The following HIBADH variants were observed in gnomAD, a reference collection of about 807,000 sequenced individuals.
The protein encoded by HIBADH is 3-hydroxyisobutyrate dehydrogenase.
Under a neutral mutation model 36.1 loss-of-function variants are expected in HIBADH, and 25 were observed. The ratio of observed to expected loss-of-function variants is 0.69; its 90% CI spans 0.50 to 0.97. The LOEUF is 0.97. HIBADH is among the 50% of genes least tolerant of loss of function. The pLI, the probability that HIBADH is intolerant of heterozygous loss-of-function variation, is 0.00. For synonymous variants in HIBADH, 160 were observed against 149.5 expected (o/e 1.07, Z -0.51); for missense variants, 421 against 418.0 (o/e 1.01, Z -0.06).
In HIBADH at chr7:27,555,255, C is replaced by T. The variant is rs766366653; in HGVS notation, c.485-12155G>A. On this transcript the variant is annotated intron_variant, in intron 4 of 7. Coordinates refer to ENST00000265395, the MANE Select transcript of HIBADH (RefSeq NM_152740.4). Reference sequence around the variant, plus strand: ...ATTTAAGTGGGGAGAACTGTTCTTCCGGTTTCATGAGAACCAATCACAGCA... The same window carrying T: ...ATTTAAGTGGGGAGAACTGTTCTTCTGGTTTCATGAGAACCAATCACAGCA... Among the ~76,000 whole-genome samples, 12 of 150,478 alleles carry T rather than the reference C, an allele frequency of 8.0e-5. No homozygotes were observed. The South Asian group carries it at 1.1e-3, about 13-fold the overall frequency.
chr7:27,542,451 T>G (rs1042893838), intron 5 of HIBADH, among the ~76,000 whole-genome samples: 11 of 141,864 alleles, frequency 7.8e-5, no homozygotes, highest in South Asian at 2.4e-4. Context: ...TTTTTTTTTT[T>G]TTTTTTTTTT....
At chr7:27,632,911 A>T (rs1428260381) in intron 2 of HIBADH, among the ~76,000 whole-genome samples, 1 of 152,042 alleles carries the variant, frequency 6.6e-6, no homozygotes, top group African/African-American at 2.4e-5. Context: ...AGTCCCCACC[A>T]TCCTCCAGTC....
At chr7:27,587,408 G>A (rs774634440) in intron 4 of HIBADH, among the ~76,000 whole-genome samples, 14 of 152,030 alleles carry the variant, frequency 9.2e-5, no homozygotes, top group Non-Finnish European at 1.6e-4. Flanking sequence ...CTTAATGACC[G>A]AAAGGAAAAT....
rs1325200201 is a variant in HIBADH, at chr7:27,595,281, C to T, written c.484+34090G>A. ...CCTATAATCCCAGCACTGTGGGAGG[C>T]TGAAGTGGGCAGATTGCTGGAGGAC... On this transcript the variant is annotated intron_variant, in intron 4 of 7. Transcript: ENST00000265395. 2.0e-5 allele frequency among the ~76,000 whole-genome samples: 3 copies of T among 152,180 alleles called. No homozygotes were observed. The East Asian group carries it at 5.8e-4, about 29-fold the overall frequency.
At chr7:27,660,493 T>A (rs1308466224) in intron 1 of HIBADH, among the ~76,000 whole-genome samples, 1 of 151,974 alleles carries the variant, frequency 6.6e-6, no homozygotes, top group African/African-American at 2.4e-5. Context: ...GAAACCCCGT[T>A]TCTACTAAAA....
chr7:27,651,455 T>C (rs1020842955), intron 1 of HIBADH, among the ~76,000 whole-genome samples: 1 of 152,218 alleles, frequency 6.6e-6, no homozygotes, highest in African/African-American at 2.4e-5. Context: ...AAATTTTATT[T>C]TGATATTAAA....
In HIBADH at chr7:27,613,930, G is replaced by T. The variant is rs537929781; in HGVS notation, c.484+15441C>A. 5.3e-5 allele frequency among the ~76,000 whole-genome samples: 8 copies of T among 152,188 alleles called. No individual in the cohort carries two copies. The South Asian group carries it at 1.7e-3, about 32-fold the overall frequency. ...CCACCTTGGCCTCCCAAAGTGCTGG[G>T]ATTACAGGCGTAAGTCACTGCTCCC... On this transcript the variant is annotated intron_variant, in intron 4 of 7. Coordinates refer to ENST00000265395, the MANE Select transcript of HIBADH (RefSeq NM_152740.4).
At chr7:27,626,745 A>T (rs537993855) in intron 4 of HIBADH, among the ~76,000 whole-genome samples, 1 of 152,328 alleles carries the variant, frequency 6.6e-6, no homozygotes, top group African/African-American at 2.4e-5. Flanking sequence ...ATAGAAGTAT[A>T]GTATGTTCCC....
chr7:27,553,902 A>G (rs1419769019), intron 4 of HIBADH, among the ~76,000 whole-genome samples: 1 of 152,190 alleles, frequency 6.6e-6, no homozygotes, highest in East Asian at 1.9e-4. Flanking sequence ...AGGCTGTAGT[A>G]CAAGGGTGTG....
rs775546615 is a variant in HIBADH at position 27,538,382 on chromosome 7, A to G, written c.654T>C (p.Ile218=). 6.2e-7 allele frequency: 1 copy of G among 1,613,264 alleles called. No individual in the cohort carries two copies. ...TAGCTTCAGCAGTTCCAATCATACT[A>G]ATAGCTAACAGCATGTTGTTGCAGA... ...AKICNNMLLA[I]SMIGTAEAMN... The change falls in exon 6 of 8, where the codon ATT becomes ATC. Residue 218 remains isoleucine, a synonymous_variant. Transcript: ENST00000265395.
At chr7:27,591,537 C>T (rs1411024340) in intron 4 of HIBADH, among the ~76,000 whole-genome samples, 5 of 135,892 alleles carry the variant, frequency 3.7e-5, no homozygotes. Context: ...GGCGACAGAG[C>T]GAGACTCCGT....
chr7:27,542,354 C>T (rs1025031555), intron 5 of HIBADH, among the ~76,000 whole-genome samples: 12 of 149,432 alleles, frequency 8.0e-5, no homozygotes, highest in African/African-American at 2.7e-4. Context: ...ACAAGCACTT[C>T]GAATAAGAGC....
intron 4 of HIBADH, among the ~76,000 whole-genome samples, chr7:27,581,700 C>T (rs1191958240): frequency 6.6e-6 from 1 of 152,050 alleles, no homozygotes; most frequent in Non-Finnish European, 1.5e-5. Context: ...TTCTAGATTA[C>T]TTTTGCTCAG....
intron 6 of HIBADH, among the ~76,000 whole-genome samples, chr7:27,536,028 C>T (rs1350309640): frequency 6.6e-6 from 1 of 152,042 alleles, no homozygotes; most frequent in Non-Finnish European, 1.5e-5. Flanking sequence ...TGTGGCTACA[C>T]CATTTTGATG....
chr7:27,640,957 G>T (rs1399854480), intron 2 of HIBADH, among the ~76,000 whole-genome samples: 1 of 152,076 alleles, frequency 6.6e-6, no homozygotes, highest in Non-Finnish European at 1.5e-5. Context: ...GCATGACTAC[G>T]GTTTTACTAA....
chr7:27,603,413 C>T (rs893825117), intron 4 of HIBADH, among the ~76,000 whole-genome samples: 2 of 152,040 alleles, frequency 1.3e-5, no homozygotes, highest in Non-Finnish European at 2.9e-5. Context: ...TCTTTATGTG[C>T]TCCTAAGGGA....
At chr7:27,548,196 TAAA>T (rs36140938) in intron 4 of HIBADH, among the ~76,000 whole-genome samples, 1 of 144,214 alleles carries the variant, frequency 6.9e-6, no homozygotes, top group Non-Finnish European at 1.5e-5. Flanking sequence ...CTCTCTCTCT[TAAA>T]AAAAAAAAAA....
chr7:27,638,355 A>G (rs956757033), intron 2 of HIBADH, among the ~76,000 whole-genome samples: 6 of 147,948 alleles, frequency 4.1e-5, no homozygotes, highest in African/African-American at 7.5e-5. Context: ...AGGACTCCCT[A>G]TTCAATAAAT....
intron 2 of HIBADH, among the ~76,000 whole-genome samples, chr7:27,639,916 A>C (rs1281586886): frequency 6.6e-6 from 1 of 152,156 alleles, no homozygotes; most frequent in Non-Finnish European, 1.5e-5. Flanking sequence ...CTAATAATCC[A>C]CGTACAGTCA....
Sources: allele counts gnomAD v4.1 joint callset (sites outside exome capture counted in the v4.1 genomes callset), GRCh38; gene constraint gnomAD v4.1.1; transcripts MANE v1.5; gene names NCBI Gene and HGNC (gene_info 2026-07-23, HGNC 2026-07-21).